The following KIF13B variants were observed in gnomAD, a reference collection of about 807,000 sequenced individuals.
KIF13B encodes kinesin family member 13B.
Under a neutral mutation model 222.0 loss-of-function variants are expected in KIF13B, and 127 were observed. The ratio of observed to expected loss-of-function variants is 0.57; its 90% CI spans 0.50 to 0.66. The LOEUF is 0.66. Ranked by LOEUF, KIF13B falls within the 30% of genes least tolerant of loss-of-function variation. KIF13B has a pLI of 0.00. For missense variants in KIF13B, 2,173 were observed against 2,379.0 expected (o/e 0.91, Z 1.80); for synonymous variants, 976 against 919.0 (o/e 1.06, Z -1.12).
chr8:29,184,343 A>C (rs1490853655), intron 6 of KIF13B, among the ~76,000 whole-genome samples: 2 of 152,076 alleles, frequency 1.3e-5, no homozygotes, highest in Non-Finnish European at 2.9e-5. Flanking sequence ...TTTCCAAGAA[A>C]TTTTCACTGG....
intron 2 of KIF13B, among the ~76,000 whole-genome samples, chr8:29,206,984 C>A (rs964714109): frequency 1.3e-5 from 2 of 152,146 alleles, no homozygotes; most frequent in African/African-American, 4.8e-5. Context: ...CTGCTTCATG[C>A]CCTCCTGGTT....
chr8:29,183,167 TG>T (rs758362297), intron 6 of KIF13B, among the ~76,000 whole-genome samples: 19 of 133,398 alleles, frequency 1.4e-4, no homozygotes, highest in Non-Finnish European at 1.9e-4. Context: ...CCTTAAAGTT[TG>T]TTTTTTTTTT....
intron 1 of KIF13B, among the ~76,000 whole-genome samples, chr8:29,255,857 AC>A (rs1816456959): frequency 1.3e-5 from 2 of 151,942 alleles, no homozygotes; most frequent in South Asian, 4.3e-4. Flanking sequence ...CTCTTTTGAC[AC>A]ATTTTTCCTC....
chr8:29,164,088 T>C (rs1811891691), intron 12 of KIF13B, among the ~76,000 whole-genome samples: 1 of 152,228 alleles, frequency 6.6e-6, no homozygotes, highest in Non-Finnish European at 1.5e-5. Flanking sequence ...AACCAGGTGA[T>C]GGGTACCTAT....
Position 29,070,646 on chromosome 8 carries a change from C to A in KIF13B, c.5339G>T (p.Gly1780Val). ...ATGPVRRRST[G>V]LRLGAPEARR... The stretch of plus-strand genomic sequence containing the variant: ...GGCCTCGGGGGCACCCAGCCGGAGT[C>A]CTGTGCTGCGCCGCCGCACAGGGCC... Residue 1780 changes from glycine (G) to valine (V), a missense_variant, in exon 40 of 40, where the codon GGA (glycine) becomes GTA (valine). By Grantham distance (109) the Gly-to-Val change is moderately radical. Transcript: ENST00000524189. The surrounding 1 kb of genome is among the most constrained non-coding windows in gnomAD (Gnocchi z 4.1). 1 of 1,566,366 alleles carries A rather than the reference C, an allele frequency of 6.4e-7. No homozygotes were observed. The highest frequency in any genetic ancestry group is 8.7e-7 in the Non-Finnish European group (1 of 1,155,556).
At chr8:29,223,341 AAAAAC>A (rs998668598) in intron 2 of KIF13B, among the ~76,000 whole-genome samples, 6 of 150,738 alleles carry the variant, frequency 4.0e-5, no homozygotes, top group Admixed American at 1.3e-4. Context: ...CAAAAAAAAA[AAAAAC>A]AAAAAAATCT....
At chr8:29,240,059 A>G (rs1815699010) in intron 2 of KIF13B, among the ~76,000 whole-genome samples, 1 of 151,696 alleles carries the variant, frequency 6.6e-6, no homozygotes, top group Non-Finnish European at 1.5e-5. Context: ...AAGAAAGAAC[A>G]GGAAATTTGA....
chr8:29,228,300 C>T (rs1344160880), intron 2 of KIF13B, among the ~76,000 whole-genome samples: 1 of 149,216 alleles, frequency 6.7e-6, no homozygotes, highest in Admixed American at 6.6e-5. Flanking sequence ...CCTGTCTCTA[C>T]CAAAAAAAAT....
chr8:29,166,190 T>C (rs2130155470), intron 11 of KIF13B, among the ~76,000 whole-genome samples: 1 of 152,310 alleles, frequency 6.6e-6, no homozygotes, highest in South Asian at 2.1e-4. Context: ...GACTGGATGG[T>C]GTTATTAACA....
intron 1 of KIF13B, among the ~76,000 whole-genome samples, chr8:29,247,188 C>A (rs891001628): frequency 3.9e-5 from 6 of 152,010 alleles, no homozygotes; most frequent in Non-Finnish European, 8.8e-5. Flanking sequence ...AGTTCAAGAC[C>A]AGCCTGAGCA....
chr8:29,129,894 T>C (rs111479581), intron 24 of KIF13B, among the ~76,000 whole-genome samples: 3 of 152,184 alleles, frequency 2.0e-5, no homozygotes, highest in Non-Finnish European at 4.4e-5. Flanking sequence ...GGTGGTGTTA[T>C]CATCATGTCT....
Position 29,071,654 on chromosome 8 carries a change from G to C in KIF13B, c.5184C>G (p.Gly1728=), listed in dbSNP as rs1254677833. The C allele has an allele frequency of 3.2e-6, 5 of 1,555,130 alleles. No individual in the cohort carries two copies. The African/African-American group carries it at 6.8e-5, about 21-fold the overall frequency. ...RYVGPADFQE[G]TWVGVELDLP... is the part of the protein sequence containing the mutation. Reference sequence around the variant, plus strand: ...GGTCGAGCTCCACGCCGACCCACGTGCCCTCTTGGAAGTCGGCAGGCCCCA... The same window carrying C: ...GGTCGAGCTCCACGCCGACCCACGTCCCCTCTTGGAAGTCGGCAGGCCCCA... Residue 1728 remains glycine (G), a synonymous_variant, in exon 39 of 40, where the codon GGC becomes GGG. Coordinates refer to ENST00000524189, the MANE Select transcript of KIF13B (RefSeq NM_015254.4). This position sits in a 1 kb window ranked among gnomAD's most constrained non-coding sequence, Gnocchi z 4.9.
At position 29,206,070 on chromosome 8, in the gene KIF13B, A is replaced by G. The variant is rs143045131; in HGVS notation, c.150-9871T>C. ...TGTGCCACTGAACTCTAGTCGGGAT[A>G]ACAGAGCAAGACCCCACCTTTTAAA... On this transcript the variant is annotated intron_variant, in intron 2 of 39. Coordinates refer to ENST00000524189, the MANE Select transcript of KIF13B (RefSeq NM_015254.4). Among the ~76,000 whole-genome samples the G allele has an allele frequency of 6.2e-3, 945 of 152,224 alleles. 13 individuals carry two copies. Among genetic ancestry groups the G allele is most frequent in the African/African-American group, 0.021 (875 of 41,518 alleles).
intron 13 of KIF13B, among the ~76,000 whole-genome samples, 171 bp from the exon 14 acceptor site, chr8:29,156,027 G>A (rs1811509722): frequency 6.6e-6 from 1 of 152,058 alleles, no homozygotes; most frequent in Non-Finnish European, 1.5e-5. Context: ...GGAAGGCAAT[G>A]GTGCAATCTC....
At chr8:29,255,643 A>G (rs1816446166) in intron 1 of KIF13B, among the ~76,000 whole-genome samples, 1 of 151,984 alleles carries the variant, frequency 6.6e-6, no homozygotes, top group Admixed American at 6.6e-5. Flanking sequence ...AGTTTCTCAG[A>G]GGAATGTTCT....
chr8:29,084,439 A>G (rs1807951973), intron 37 of KIF13B, among the ~76,000 whole-genome samples: 1 of 152,190 alleles, frequency 6.6e-6, no homozygotes, highest in Non-Finnish European at 1.5e-5. Flanking sequence ...AGCATCAGAG[A>G]TGGGCAGAGG....
chr8:29,200,400 C>G (rs181942337), intron 2 of KIF13B, among the ~76,000 whole-genome samples: 1 of 152,298 alleles, frequency 6.6e-6, no homozygotes, highest in East Asian at 1.9e-4. Context: ...AGAAATGTCT[C>G]AAGTACAAGC....
intron 35 of KIF13B, among the ~76,000 whole-genome samples, chr8:29,105,276 A>C (rs1013371285): frequency 3.3e-5 from 5 of 152,038 alleles, no homozygotes; most frequent in African/African-American, 4.8e-5. Flanking sequence ...CGGCCTGTAC[A>C]CTCTGAGCTT....
intron 2 of KIF13B, among the ~76,000 whole-genome samples, chr8:29,202,392 A>G (rs1246723367): frequency 1.3e-5 from 2 of 152,168 alleles, no homozygotes; most frequent in Non-Finnish European, 2.9e-5. Flanking sequence ...ATCTTGGCTC[A>G]CTGTAATCTC....
Sources: gnomAD v4.1 joint callset for allele counts (sites outside exome capture counted in the v4.1 genomes callset) on GRCh38, gnomAD v4.1.1 for gene constraint, Gnocchi (gnomAD v3.1) non-coding constraint, MANE v1.5 for transcripts, NCBI Gene and HGNC (gene_info 2026-07-23, HGNC 2026-07-21) for gene names.